FOCAD: variants seen among roughly 807,000 people sequenced by gnomAD.
FOCAD encodes the protein focadhesin.
Under a neutral mutation model 225.6 loss-of-function variants are expected in FOCAD, and 198 were observed. That is an observed-to-expected ratio of 0.88 (90% CI 0.78 to 0.99). The LOEUF is 0.99. FOCAD is among the 50% of genes least tolerant of loss of function. The pLI is 0.00. For missense variants in FOCAD, 2,713 were observed against 2,123.6 expected (o/e 1.28, Z -5.46); for synonymous variants, 897 against 755.0 (o/e 1.19, Z -3.08).
At chr9:20,868,031 A>G (rs1166919267) in intron 18 of FOCAD, among the ~76,000 whole-genome samples, 1 of 152,128 alleles carries the variant, frequency 6.6e-6, no homozygotes, top group Non-Finnish European at 1.5e-5. Flanking sequence ...AGGACTTACA[A>G]AGATAGATTG....
intron 5 of FOCAD, among the ~76,000 whole-genome samples, chr9:20,749,982 T>A (rs1168913425): frequency 6.6e-6 from 1 of 152,176 alleles, no homozygotes; most frequent in Non-Finnish European, 1.5e-5. Flanking sequence ...CCTTCCTCAC[T>A]CCATTCTGTT....
At chr9:20,916,825 T>C (rs1049927964) in intron 23 of FOCAD, 68 bp from the exon 24 acceptor site, 5 of 1,412,220 alleles carry the variant, frequency 3.5e-6, no homozygotes, top group Admixed American at 4.3e-5. Context: ...TATTAATTGA[T>C]GAAAAAGAGA....
intron 24 of FOCAD, among the ~76,000 whole-genome samples, chr9:20,922,618 C>T (rs1403194089): frequency 1.3e-5 from 2 of 152,194 alleles, no homozygotes. Flanking sequence ...TGAAAATCTT[C>T]CTTATCCCTC....
intron 18 of FOCAD, 35 bp downstream of exon 18, chr9:20,867,047 A>G: frequency 2.8e-6 from 4 of 1,408,246 alleles, no homozygotes; most frequent in Non-Finnish European, 4.0e-6. Flanking sequence ...GTATTTCTTA[A>G]TTTGCTAGGG....
chr9:20,892,867 T>G (rs542515623), intron 21 of FOCAD, among the ~76,000 whole-genome samples: 32 of 152,262 alleles, frequency 2.1e-4, no homozygotes, highest in Middle Eastern at 3.4e-3. Context: ...CATTGTTATC[T>G]TAAGAAATTG....
At chr9:20,865,850 T>G (rs937331543) in intron 16 of FOCAD, 76 bp from the exon 17 acceptor site, 75 of 1,013,204 alleles carry the variant, frequency 7.4e-5, no homozygotes, top group Non-Finnish European at 1.0e-4. Flanking sequence ...ATTTTCATTA[T>G]TTGCTACTTT....
At chr9:20,888,141 T>C (rs1475607740) in intron 21 of FOCAD, among the ~76,000 whole-genome samples, 1 of 137,028 alleles carries the variant, frequency 7.3e-6, no homozygotes, top group African/African-American at 2.8e-5. Context: ...TTTTTCTTCT[T>C]TTTTTTTTTT....
At chr9:20,891,257 G>T (rs1831590074) in intron 21 of FOCAD, among the ~76,000 whole-genome samples, 1 of 152,072 alleles carries the variant, frequency 6.6e-6, no homozygotes, top group Non-Finnish European at 1.5e-5. Context: ...CAACAATATT[G>T]AAATTAGGCC....
intron 22 of FOCAD, among the ~76,000 whole-genome samples, chr9:20,911,217 A>G (rs1315880416): frequency 1.3e-5 from 2 of 152,116 alleles, no homozygotes; most frequent in African/African-American, 4.8e-5. Flanking sequence ...CCAGAATTCT[A>G]TCTTTGAAAG....
chr9:20,756,279 A>G (rs1399538736), intron 5 of FOCAD, among the ~76,000 whole-genome samples: 2 of 152,172 alleles, frequency 1.3e-5, no homozygotes, highest in Non-Finnish European at 2.9e-5. Context: ...GTTAGTTAGT[A>G]CATGATAGGT....
At chr9:20,667,484 G>T (rs531302368) in intron 2 of FOCAD, among the ~76,000 whole-genome samples, 1 of 152,216 alleles carries the variant, frequency 6.6e-6, no homozygotes, top group Non-Finnish European at 1.5e-5. Flanking sequence ...ATAAATGGCA[G>T]ATCTCCTTTG....
In FOCAD at chr9:20,808,278, G is replaced by A. The variant is rs576184069; in HGVS notation, c.1456-11518G>A. Among the ~76,000 whole-genome samples the A allele has an allele frequency of 7.9e-5, 12 of 152,220 alleles. No homozygotes were observed. In the East Asian group the frequency reaches 1.9e-3, roughly 25 times the overall value. On this transcript the variant is annotated intron_variant, in intron 11 of 43. Transcript: ENST00000338382. ...TTGTTAACCTTTTCTTCCTTTTTCAGTTATTGGTAAGTTCAGTTCAGCTCA... is the reference window on the plus strand; with the variant it reads ...TTGTTAACCTTTTCTTCCTTTTTCAATTATTGGTAAGTTCAGTTCAGCTCA...
intron 10 of FOCAD, among the ~76,000 whole-genome samples, chr9:20,788,431 A>G (rs1051285721): frequency 6.6e-6 from 1 of 152,202 alleles, no homozygotes; most frequent in African/African-American, 2.4e-5. Flanking sequence ...AGTAAGTTAT[A>G]AACTTTAAAA....
At chr9:20,886,125 G>A (rs1399397962) in intron 21 of FOCAD, among the ~76,000 whole-genome samples, 1 of 152,100 alleles carries the variant, frequency 6.6e-6, no homozygotes, top group Non-Finnish European at 1.5e-5. Flanking sequence ...AATTCAGAGG[G>A]TTTTTCAAGA....
intron 3 of FOCAD, 57 bp from the exon 4 acceptor site, chr9:20,720,323 G>C (rs1825672518): frequency 1.3e-6 from 2 of 1,548,500 alleles, no homozygotes; most frequent in South Asian, 2.3e-5. Flanking sequence ...CCAAAGGTGT[G>C]TGTGTGTGTG....
At chr9:20,837,222 C>A (rs544541669) in intron 15 of FOCAD, among the ~76,000 whole-genome samples, 500 of 152,142 alleles carry the variant, frequency 3.3e-3, no homozygotes, top group African/African-American at 0.011. Context: ...GAATCAAAAT[C>A]ATGGTCTCTG....
intron 13 of FOCAD, 22 bp from the exon 14 acceptor site, chr9:20,820,919 T>G: frequency 6.2e-7 from 1 of 1,604,030 alleles, no homozygotes; most frequent in Non-Finnish European, 8.5e-7. Context: ...AAACTACCTT[T>G]TTTGTAAAAT....
intron 24 of FOCAD, among the ~76,000 whole-genome samples, 157 bp from the exon 25 acceptor site, chr9:20,923,503 A>C (rs1834644936): frequency 6.6e-6 from 1 of 152,214 alleles, no homozygotes; most frequent in Non-Finnish European, 1.5e-5. Flanking sequence ...GAAGGAAAGA[A>C]ACTGTTGGCC....
intron 6 of FOCAD, among the ~76,000 whole-genome samples, chr9:20,759,868 C>T (rs552226829): frequency 2.6e-5 from 4 of 152,324 alleles, no homozygotes; most frequent in African/African-American, 9.6e-5. Context: ...TGGACACTGG[C>T]TAATGAGTTA....
Sources: allele counts gnomAD v4.1 joint callset (sites outside exome capture counted in the v4.1 genomes callset), GRCh38; gene constraint gnomAD v4.1.1; transcripts MANE v1.5; gene names NCBI Gene and HGNC (gene_info 2026-07-23, HGNC 2026-07-21).